The following ACTR3C variants were observed in gnomAD, a reference collection of about 807,000 sequenced individuals.
The protein encoded by ACTR3C is actin-related protein 3C.
ACTR3C carries 18 observed loss-of-function variants against 26.3 expected under a neutral mutation model. The ratio of observed to expected loss-of-function variants is 0.68; its 90% CI spans 0.47 to 1.01. The LOEUF (loss-of-function observed/expected upper bound fraction) is 1.01. Among genes scored for constraint, ACTR3C ranks in the 50% least tolerant of loss-of-function variants. ACTR3C has a pLI of 0.00. For missense variants in ACTR3C, 184 were observed against 250.7 expected, an observed-to-expected ratio of 0.73 and a Z score of 1.80; for synonymous variants, 55 against 94.5, an observed-to-expected ratio of 0.58 and a Z score of 2.42.
At chr7:150,045,104 T>A in the ACTR3C span, 1 of 152,234 alleles carries the variant, frequency 6.6e-6, no homozygotes. Context: ...TCATTGCATA[T>A]CCTCAGCTTT....
At chr7:150,047,031 T>C in the ACTR3C span, among the ~76,000 whole-genome samples, 1 of 151,720 alleles carries the variant, frequency 6.6e-6, no homozygotes, top group South Asian at 2.1e-4. Flanking sequence ...TGGTATTTTT[T>C]TTTTTCCGGA....
downstream of ACTR3C, among the ~76,000 whole-genome samples, chr7:150,240,584 GAA>G (rs1044190398): frequency 1.3e-5 from 2 of 151,924 alleles, no homozygotes; most frequent in Non-Finnish European, 2.9e-5. Flanking sequence ...TTTAAAAAAA[GAA>G]AAAATTATCT....
At chr7:150,029,190 G>A in the ACTR3C span, among the ~76,000 whole-genome samples, 2 of 151,972 alleles carry the variant, frequency 1.3e-5, no homozygotes, top group South Asian at 2.1e-4. Context: ...AGGGCATCCT[G>A]CAGCTGCCCC....
At chr7:150,042,914 A>C in the ACTR3C span, among the ~76,000 whole-genome samples, 8 of 150,646 alleles carry the variant, frequency 5.3e-5, no homozygotes, top group Non-Finnish European at 8.9e-5. Flanking sequence ...GGGCTGCCAG[A>C]AGTTTTTCCT....
At chr7:149,962,811 A>C in the ACTR3C span, among the ~76,000 whole-genome samples, 2 of 152,308 alleles carry the variant, frequency 1.3e-5, no homozygotes, top group East Asian at 3.9e-4. Flanking sequence ...CATCCTCGGC[A>C]TTCCCCTGGG....
At chr7:150,133,308 C>A in the ACTR3C span, among the ~76,000 whole-genome samples, 3 of 152,170 alleles carry the variant, frequency 2.0e-5, no homozygotes, top group Admixed American at 6.5e-5. Flanking sequence ...AAGGGACCAA[C>A]TCTCCCTCCC....
chr7:150,069,109 C>G, the ACTR3C span, among the ~76,000 whole-genome samples: 1,295 of 145,750 alleles, frequency 8.9e-3, 20 homozygotes, highest in African/African-American at 0.031. Context: ...ATAATGGTGA[C>G]AGTATGTTGT....
chr7:149,939,013 T>C, the ACTR3C span, among the ~76,000 whole-genome samples: 4 of 150,852 alleles, frequency 2.7e-5, no homozygotes, highest in Non-Finnish European at 5.9e-5. Context: ...AGAGTTGTGT[T>C]CTTGTTGCCC....
the ACTR3C span, among the ~76,000 whole-genome samples, chr7:150,221,169 G>T: frequency 6.6e-6 from 1 of 152,274 alleles, no homozygotes; most frequent in East Asian, 1.9e-4. Flanking sequence ...GGTGCCATTG[G>T]TTGGCGGCCC....
At chr7:150,215,602 C>G in the ACTR3C span, among the ~76,000 whole-genome samples, 3 of 152,192 alleles carry the variant, frequency 2.0e-5, no homozygotes, top group Non-Finnish European at 4.4e-5. Flanking sequence ...TAACTCATCC[C>G]TTTTGGCTTT....
At chr7:149,984,463 CAAA>C in the ACTR3C span, among the ~76,000 whole-genome samples, 1 of 151,752 alleles carries the variant, frequency 6.6e-6, no homozygotes, top group African/African-American at 2.4e-5. Context: ...CTCAGCCTCC[CAAA>C]ATACTGGGAT....
chr7:149,981,739 G>A, the ACTR3C span, among the ~76,000 whole-genome samples: 5 of 151,990 alleles, frequency 3.3e-5, no homozygotes, highest in African/African-American at 2.4e-5. Context: ...TGCCCTCAGT[G>A]GGCCATATTA....
the ACTR3C span, among the ~76,000 whole-genome samples, chr7:150,054,799 A>G: frequency 2.0e-5 from 3 of 152,208 alleles, no homozygotes; most frequent in Non-Finnish European, 2.9e-5. Flanking sequence ...TTCAGTTAAC[A>G]CCTGAGCACT....
the ACTR3C span, among the ~76,000 whole-genome samples, chr7:150,153,167 G>A: frequency 1.4e-4 from 22 of 152,138 alleles, no homozygotes; most frequent in Non-Finnish European, 3.2e-4. Flanking sequence ...CATGGGCGAG[G>A]ACTTCATGTG....
At chr7:150,026,642 A>C in the ACTR3C span, among the ~76,000 whole-genome samples, 30 of 152,182 alleles carry the variant, frequency 2.0e-4, no homozygotes, top group South Asian at 6.2e-3. Context: ...CTGTTAAACT[A>C]AGCATTAAAC....
the ACTR3C span, among the ~76,000 whole-genome samples, chr7:150,096,844 G>A: frequency 6.6e-6 from 1 of 151,830 alleles, no homozygotes; most frequent in African/African-American, 2.4e-5. Context: ...GGTCTCAGGA[G>A]AGCTTGCATG....
chr7:150,288,538 A>G (rs1282642591), intron 4 of ACTR3C, among the ~76,000 whole-genome samples: 1 of 143,798 alleles, frequency 7.0e-6, no homozygotes, highest in Non-Finnish European at 1.5e-5. Context: ...GTGAGCCACT[A>G]TGAAGGGGCT....
chr7:150,076,814 A>G, the ACTR3C span, among the ~76,000 whole-genome samples: 14 of 152,336 alleles, frequency 9.2e-5, no homozygotes, highest in Admixed American at 7.8e-4. Flanking sequence ...TAATTAAAAC[A>G]TTCCAAAGTA....
chr7:150,111,626 A>C, the ACTR3C span, among the ~76,000 whole-genome samples: 1 of 104,756 alleles, frequency 9.5e-6, no homozygotes. Flanking sequence ...ACCCACTCAC[A>C]GTCACACCCT....
Sources: allele counts gnomAD v4.1 joint callset (sites outside exome capture counted in the v4.1 genomes callset), GRCh38; gene constraint gnomAD v4.1.1; transcripts MANE v1.5; gene names NCBI Gene and HGNC (gene_info 2026-07-23, HGNC 2026-07-21).